The following SNX12 variants were observed in gnomAD, a reference collection of about 807,000 sequenced individuals.
The protein encoded by SNX12 is sorting nexin 12, also known as sorting nexin-12.
For missense variants in SNX12, 62 were observed against 141.3 expected, an observed-to-expected ratio of 0.44 and a Z score of 2.84; for synonymous variants, 47 against 56.0, an observed-to-expected ratio of 0.84 and a Z score of 0.71.
intron 1 of SNX12, among the ~76,000 whole-genome samples, chrX:71,066,098 G>A (rs1041688850): frequency 5.3e-5 from 6 of 112,555 alleles, no homozygotes; most frequent in Non-Finnish European, 9.4e-5. Flanking sequence ...GAAAGAATAT[G>A]GAGTCAGACA....
In SNX12 at chrX:71,068,295, C is replaced by G. The variant is rs771793074; in HGVS notation, c.12G>C (p.Thr4=). The G allele has an allele frequency of 3.3e-6, 4 of 1,200,643 alleles. No homozygotes were observed. The highest frequency in any genetic ancestry group is 3.4e-6 in the Non-Finnish European group (3 of 889,760). MSD[T]AVADTRRLNS... is the part of the protein sequence containing the mutation. ...TAAGGCGCCGGGTATCAGCTACTGC[C>G]GTGTCCGACATCTTTCCGAAGGAGA... Residue 4 remains threonine (T), a synonymous_variant, in exon 1 of 4, where the codon ACG becomes ACC. Coordinates refer to ENST00000374274, the MANE Select transcript of SNX12 (RefSeq NM_013346.4).
At position 71,062,969 on chromosome X, in the gene SNX12, AAAG is replaced by A. The variant is rs1401896890; in HGVS notation, c.166-23_166-21del. ...GTTTGTCTACATGGAAGGAAAAATT[AAAG>A]AAGAAAGATGGTAATGTTCAGCCTG... On this transcript the variant is annotated intron_variant, in intron 1 of 3. Transcript: ENST00000374274. 3 of 1,061,032 alleles carry A rather than the reference AAAG, an allele frequency of 2.8e-6. No homozygotes were observed. The highest frequency in any genetic ancestry group is 3.9e-6 in the Non-Finnish European group (3 of 766,348). The allele number at this position is 1,061,032 out of a possible 1,213,427, so 87.4% of individuals were successfully genotyped here. A position where few individuals can be genotyped will look rare whatever the true frequency, so the allele number is the denominator to read the frequency against.
intron 1 of SNX12, among the ~76,000 whole-genome samples, chrX:71,065,686 C>A (rs2092150094): frequency 9.0e-6 from 1 of 111,485 alleles, no homozygotes; most frequent in Admixed American, 9.5e-5. Context: ...TGCCTGTAAT[C>A]CCAGCTACTT....
intron 1 of SNX12, among the ~76,000 whole-genome samples, chrX:71,063,712 A>C (rs2092140964): frequency 3.6e-5 from 4 of 110,000 alleles, no homozygotes; most frequent in African/African-American, 1.3e-4. Context: ...CAGGAGTTTG[A>C]GAGCAGCCTG....
In SNX12 at chrX:71,062,872, C is replaced by T; in HGVS notation, c.243G>A (p.Glu81=). 2 of 1,205,006 alleles carry T rather than the reference C, an allele frequency of 1.7e-6. No homozygotes were observed. The highest frequency in any genetic ancestry group is 2.2e-6 in the Non-Finnish European group (2 of 889,749). The change falls in exon 2 of 4, where the codon GAG becomes GAA. Residue 81 remains glutamate (E), a synonymous_variant. Transcript: ENST00000374274. ...GCCATACCTTGCTATCTCTCTCCAG[C>T]TCATTTTTCAGCCACTCAAAGTCAC... ...RYSDFEWLKN[E]LERDSKIVVP...
chrX:71,060,734 T>A lies in SNX12; in HGVS notation c.*282A>T. ...CTCCCCCCAGGTTAGCCTTCTGGCATGGGTAAATGCCCAAGAAATTGCCTT... is the reference window on the plus strand; with the variant it reads ...CTCCCCCCAGGTTAGCCTTCTGGCAAGGGTAAATGCCCAAGAAATTGCCTT... On this transcript the variant is annotated 3_prime_UTR_variant, in exon 4 of 4. Coordinates refer to ENST00000374274, the MANE Select transcript of SNX12 (RefSeq NM_013346.4). The A allele has an allele frequency of 7.0e-6, 2 of 284,642 alleles. No individual in the cohort carries two copies. The highest frequency in any genetic ancestry group is 1.2e-5 in the Non-Finnish European group (2 of 161,468). The allele number at this position is 284,642 out of a possible 1,213,427, so 23.5% of individuals were successfully genotyped here.
chrX:71,066,187 G>C (rs1330987793), intron 1 of SNX12, among the ~76,000 whole-genome samples: 1 of 111,997 alleles, frequency 8.9e-6, no homozygotes, highest in Non-Finnish European at 1.9e-5. Flanking sequence ...TTCCTCCTCA[G>C]TTTCCCATGT....
Position 71,059,584 on chromosome X carries a change from T to C in SNX12, c.*1432A>G, listed in dbSNP as rs745777147. 1.8e-5 allele frequency: 2 copies of C among 111,177 alleles called. No homozygotes were observed. Among genetic ancestry groups the C allele is most frequent in the Non-Finnish European group, 3.8e-5 (2 of 53,024 alleles). 9.2% of individuals were successfully genotyped at this position (111,177 alleles called of 1,213,427 possible). A position where few individuals can be genotyped will look rare whatever the true frequency, so the allele number is the denominator to read the frequency against. On this transcript the variant is annotated 3_prime_UTR_variant, in exon 4 of 4. Coordinates refer to ENST00000374274, the MANE Select transcript of SNX12 (RefSeq NM_013346.4). ...ATTTAGATGGGTTCCAAATCCTATG[T>C]CAAAATACAATCCTAATCTCTCTGA...
chrX:71,070,209 C>T (rs2147710171), upstream of SNX12, among the ~76,000 whole-genome samples: 1 of 110,998 alleles, frequency 9.0e-6, no homozygotes, highest in Non-Finnish European at 1.9e-5. Context: ...CCTGAAGGAT[C>T]CTAAGCAGGA....
chrX:71,069,765 AC>A (rs1198657997), upstream of SNX12, among the ~76,000 whole-genome samples: 1 of 111,190 alleles, frequency 9.0e-6, no homozygotes, highest in Non-Finnish European at 1.9e-5. Flanking sequence ...ACATGGTGAA[AC>A]CCTGTCTCTA....
intron 1 of SNX12, among the ~76,000 whole-genome samples, chrX:71,063,496 CAA>C (rs764741794): frequency 1.1e-4 from 7 of 61,787 alleles, no homozygotes; most frequent in Admixed American, 3.8e-4. Flanking sequence ...GATTCTGTCT[CAA>C]AAAAAAAAAA....
chrX:71,062,062 G>T lies in SNX12; in HGVS notation c.262-95C>A, dbSNP rs940087228. The stretch of plus-strand genomic sequence containing the variant: ...TGTACCTCATTTCTTATTAGGCATA[G>T]GGTCCATCCTGTCCCACAGCCAGCA... On this transcript the variant is annotated intron_variant, in intron 2 of 3. Transcript: ENST00000374274. The T allele has an allele frequency of 6.4e-5, 54 of 843,666 alleles. 1 individual carries two copies. Among genetic ancestry groups the T allele is most frequent in the Non-Finnish European group, 8.5e-5 (52 of 614,237 alleles). 69.5% of individuals were successfully genotyped at this position (843,666 alleles called of 1,213,427 possible). A position where few individuals can be genotyped will look rare whatever the true frequency, so the allele number is the denominator to read the frequency against.
At chrX:71,067,049 C>G (rs776437847) in intron 1 of SNX12, among the ~76,000 whole-genome samples, 3 of 112,421 alleles carry the variant, frequency 2.7e-5, no homozygotes, top group Admixed American at 9.5e-5. Flanking sequence ...ATGCTGTCCA[C>G]AGAGAATATT....
chrX:71,071,300 GA>G (rs1449769162), upstream of SNX12, among the ~76,000 whole-genome samples: 1 of 99,985 alleles, frequency 1.0e-5, no homozygotes, highest in Non-Finnish European at 2.0e-5. Context: ...ATGAAAAAGT[GA>G]AAAAAGCTGG....
chrX:71,066,328 G>A (rs2092153080), intron 1 of SNX12, among the ~76,000 whole-genome samples: 1 of 111,912 alleles, frequency 8.9e-6, no homozygotes, highest in Non-Finnish European at 1.9e-5. Context: ...GGTGGCTCAC[G>A]CCTCTAATCC....
upstream of SNX12, among the ~76,000 whole-genome samples, chrX:71,070,369 G>C (rs922161644): frequency 7.1e-4 from 80 of 112,099 alleles, no homozygotes; most frequent in South Asian, 2.2e-3. Context: ...ATAGGAAAGA[G>C]ATTGAAGAAA....
chrX:71,060,118 C>T lies in SNX12; in HGVS notation c.*898G>A, dbSNP rs2092125755. On this transcript the variant is annotated 3_prime_UTR_variant, in exon 4 of 4. Coordinates refer to ENST00000374274, the MANE Select transcript of SNX12 (RefSeq NM_013346.4). ...AAGACAGTGTTGATGCCCTTCCCTA[C>T]CGCGGGTAAGAGCCTAGAAGATAAT... The T allele has an allele frequency of 8.9e-6, 1 of 111,917 alleles. No individual in the cohort carries two copies. Among genetic ancestry groups the T allele is most frequent in the African/African-American group, 3.3e-5 (1 of 30,743 alleles). 9.2% of individuals were successfully genotyped at this position (111,917 alleles called of 1,213,427 possible).
upstream of SNX12, among the ~76,000 whole-genome samples, chrX:71,071,446 T>C (rs1343039945): frequency 4.9e-5 from 4 of 82,387 alleles, no homozygotes; most frequent in African/African-American, 1.8e-4. Context: ...TATAATTAAA[T>C]ATAAATAATT....
In SNX12 at chrX:71,060,718, G is replaced by A. The variant is rs73548335; in HGVS notation, c.*298C>T. On this transcript the variant is annotated 3_prime_UTR_variant, in exon 4 of 4. Transcript: ENST00000374274. The stretch of plus-strand genomic sequence containing the variant: ...CAGCACAAGCGCCCCCCTCCCCCCA[G>A]GTTAGCCTTCTGGCATGGGTAAATG... 4,675 of 244,196 alleles carry A rather than the reference G, an allele frequency of 0.019. 212 individuals carry two copies. Among genetic ancestry groups the A allele is most frequent in the African/African-American group, 0.11 (3,444 of 30,488 alleles). 20.1% of individuals were successfully genotyped at this position (244,196 alleles called of 1,213,427 possible).
Sources: allele counts gnomAD v4.1 joint callset (sites outside exome capture counted in the v4.1 genomes callset), GRCh38; gene constraint gnomAD v4.1.1; transcripts MANE v1.5; gene names NCBI Gene and HGNC (gene_info 2026-07-23, HGNC 2026-07-21).